The following DLGAP2 variants were observed in gnomAD, a reference collection of about 807,000 sequenced individuals.
DLGAP2 encodes the protein disks large-associated protein 2.
A neutral mutation model predicts 100.3 loss-of-function variants in DLGAP2; 26 were observed. That is an observed-to-expected ratio of 0.26 (90% confidence interval 0.19 to 0.36). The LOEUF is 0.36. DLGAP2 is among the 10% of genes least tolerant of loss of function. DLGAP2 has a pLI of 1.00. For synonymous variants in DLGAP2, 886 were observed against 630.1 expected (o/e 1.41, Z -6.08); for missense variants, 1,858 against 1,453.2 (o/e 1.28, Z -4.53).
At chr8:1,589,772 G>T (rs1203436698) in intron 6 of DLGAP2, among the ~76,000 whole-genome samples, 1 of 152,168 alleles carries the variant, frequency 6.6e-6, no homozygotes, top group Non-Finnish European at 1.5e-5. Flanking sequence ...AGTGGTTGGG[G>T]TTTGCTGTTA....
intron 3 of DLGAP2, among the ~76,000 whole-genome samples, chr8:1,320,600 T>C (rs2117037822): frequency 6.6e-6 from 1 of 152,300 alleles, no homozygotes; most frequent in South Asian, 2.1e-4. Context: ...CTCTCTCAAC[T>C]TCTCGAACAT....
intron 12 of DLGAP2, among the ~76,000 whole-genome samples, chr8:1,689,057 A>C (rs1485335390): frequency 6.6e-6 from 1 of 152,200 alleles, no homozygotes; most frequent in Non-Finnish European, 1.5e-5. Context: ...GAATCTCACC[A>C]GTAACTGTCT....
intron 3 of DLGAP2, among the ~76,000 whole-genome samples, chr8:1,459,361 C>T (rs1032976778): frequency 6.6e-6 from 1 of 152,264 alleles, no homozygotes; most frequent in Non-Finnish European, 1.5e-5. Flanking sequence ...CAGGGGTCAC[C>T]CTATTCTGCT....
chr8:1,604,316 T>C (rs1181879649), intron 6 of DLGAP2, among the ~76,000 whole-genome samples: 1 of 152,174 alleles, frequency 6.6e-6, no homozygotes, highest in East Asian at 1.9e-4. Flanking sequence ...TTCATTATGA[T>C]TTGCAAATGA....
chr8:1,510,720 A>G (rs889460185), intron 4 of DLGAP2, among the ~76,000 whole-genome samples: 3 of 152,212 alleles, frequency 2.0e-5, no homozygotes, highest in Non-Finnish European at 4.4e-5. Flanking sequence ...TGGCCAGTCT[A>G]GGTCTGAACC....
intron 6 of DLGAP2, among the ~76,000 whole-genome samples, chr8:1,572,357 G>T (rs1802755029): frequency 1.9e-5 from 2 of 104,380 alleles, no homozygotes; most frequent in Admixed American, 9.3e-5. Flanking sequence ...GGATGGAGAG[G>T]AGAGAGGGTG....
At chr8:1,050,677 A>G (rs558780544) in intron 2 of DLGAP2, among the ~76,000 whole-genome samples, 9 of 152,284 alleles carry the variant, frequency 5.9e-5, no homozygotes, top group African/African-American at 1.9e-4. Flanking sequence ...CCTCATCTTG[A>G]CATTTAAGTA....
intron 2 of DLGAP2, among the ~76,000 whole-genome samples, chr8:1,161,223 G>C (rs777861793): frequency 4.6e-5 from 7 of 152,140 alleles, no homozygotes; most frequent in Non-Finnish European, 1.0e-4. Flanking sequence ...TTTGTGGCTG[G>C]CATGGATAGA....
At chr8:880,588 TCGGG>T (rs1797769483) in intron 1 of DLGAP2, among the ~76,000 whole-genome samples, 1 of 141,402 alleles carries the variant, frequency 7.1e-6, no homozygotes, top group African/African-American at 2.7e-5. Context: ...TATAGGTGGG[TCGGG>T]GTGACCGTCC....
intron 2 of DLGAP2, among the ~76,000 whole-genome samples, chr8:1,140,843 T>C (rs1486372070): frequency 6.6e-6 from 1 of 152,058 alleles, no homozygotes; most frequent in African/African-American, 2.4e-5. Context: ...CGTGGTGGCA[T>C]ATGCCTGTAA....
chr8:1,330,405 T>C (rs1388012859), intron 3 of DLGAP2, among the ~76,000 whole-genome samples: 2 of 139,116 alleles, frequency 1.4e-5, no homozygotes, highest in South Asian at 2.6e-4. Flanking sequence ...GGACTAGTTC[T>C]GGGTGGGAGC....
chr8:1,538,232 A>G (rs745873593), intron 4 of DLGAP2, among the ~76,000 whole-genome samples: 10 of 152,064 alleles, frequency 6.6e-5, no homozygotes, highest in Non-Finnish European at 1.5e-4. Context: ...TTTTATCACT[A>G]TCTGCATCCA....
At chr8:1,320,320 G>A (rs1426510514) in intron 3 of DLGAP2, among the ~76,000 whole-genome samples, 1 of 152,086 alleles carries the variant, frequency 6.6e-6, no homozygotes, top group South Asian at 2.1e-4. Flanking sequence ...GAGATGCCTG[G>A]AGTCCAGGAA....
At chr8:1,132,464 A>T (rs1796313626) in intron 2 of DLGAP2, among the ~76,000 whole-genome samples, 1 of 152,218 alleles carries the variant, frequency 6.6e-6, no homozygotes, top group Admixed American at 6.5e-5. Context: ...GAATCAACTA[A>T]ATAATTAAAA....
At chr8:1,434,164 C>T (rs1013914880) in intron 3 of DLGAP2, among the ~76,000 whole-genome samples, 4 of 152,092 alleles carry the variant, frequency 2.6e-5, no homozygotes, top group African/African-American at 7.2e-5. Flanking sequence ...TTAATATGAC[C>T]GTCAGCAGCT....
intron 1 of DLGAP2, among the ~76,000 whole-genome samples, chr8:899,467 C>T (rs906708948): frequency 2.5e-4 from 38 of 152,192 alleles, no homozygotes; most frequent in African/African-American, 8.9e-4. Context: ...GGGTGTTACA[C>T]GGGGTACATG....
intron 3 of DLGAP2, among the ~76,000 whole-genome samples, chr8:1,418,161 C>T (rs962595038): frequency 2.0e-4 from 31 of 152,272 alleles, no homozygotes; most frequent in East Asian, 1.2e-3. Context: ...ATTCTCCTTC[C>T]GAACCATTTT....
At chr8:786,627 C>G (rs1319562028) in intron 1 of DLGAP2, among the ~76,000 whole-genome samples, 4 of 152,004 alleles carry the variant, frequency 2.6e-5, no homozygotes, top group African/African-American at 9.7e-5. Flanking sequence ...TCGGGAGAGA[C>G]GGGCGCTGCC....
intron 3 of DLGAP2, among the ~76,000 whole-genome samples, chr8:1,465,489 A>G (rs1798600203): frequency 1.3e-5 from 2 of 152,038 alleles, no homozygotes; most frequent in Admixed American, 1.3e-4. Context: ...AACTCTGGGA[A>G]GCACCCATGT....
Sources: allele counts gnomAD v4.1 joint callset (sites outside exome capture counted in the v4.1 genomes callset), GRCh38; gene constraint gnomAD v4.1.1; transcripts MANE v1.5; gene names NCBI Gene and HGNC (gene_info 2026-07-23, HGNC 2026-07-21).